The following KLF3 variants were observed in gnomAD, a reference collection of about 807,000 sequenced individuals.
KLF3 encodes the protein KLF transcription factor 3.
KLF3 carries 6 observed loss-of-function variants against 32.7 expected under a neutral mutation model. The observed-to-expected ratio is 0.18, with a 90% CI of 0.10 to 0.36. The LOEUF (loss-of-function observed/expected upper bound fraction) is 0.36. KLF3 is among the 10% of genes least tolerant of loss of function. The pLI is 1.00. For synonymous variants in KLF3, 145 were observed against 172.8 expected, an observed-to-expected ratio of 0.84 and a Z score of 1.26; for missense variants, 338 against 449.7, an observed-to-expected ratio of 0.75 and a Z score of 2.25.
intron 4 of KLF3, among the ~76,000 whole-genome samples, chr4:38,694,187 A>C (rs1049383885): frequency 6.6e-6 from 1 of 152,232 alleles, no homozygotes; most frequent in Non-Finnish European, 1.5e-5. Flanking sequence ...AGGGACTCCA[A>C]TTAAATGCCA....
chr4:38,699,209 AAC>A lies in KLF3; in HGVS notation c.*1948_*1949del, dbSNP rs1195819891. The A allele has an allele frequency of 1.3e-5, 2 of 152,334 alleles. No homozygotes were observed. Among genetic ancestry groups the A allele is most frequent in the East Asian group, 3.9e-4 (2 of 5,192 alleles). 9.4% of individuals were successfully genotyped at this position (152,334 alleles called of 1,614,324 possible). ...CTGCAAAACTTCTTTAGGATACTAA[AAC>A]ATCCTAATTGGGCTGTTTTTTTGTT... On this transcript the variant is annotated 3_prime_UTR_variant, in exon 6 of 6. Coordinates refer to ENST00000261438, the MANE Select transcript of KLF3 (RefSeq NM_016531.6).
At chr4:38,672,977 G>C (rs1722242491) in intron 1 of KLF3, among the ~76,000 whole-genome samples, 1 of 152,184 alleles carries the variant, frequency 6.6e-6, no homozygotes, top group Admixed American at 6.5e-5. Context: ...CTTAGAGGCA[G>C]GAACAAGGAG....
intron 1 of KLF3, among the ~76,000 whole-genome samples, chr4:38,679,739 C>T (rs1722459820): frequency 6.6e-6 from 1 of 152,160 alleles, no homozygotes; most frequent in South Asian, 2.1e-4. Flanking sequence ...GTAAAAGAAA[C>T]ATTTTCACAT....
chr4:38,665,525 G>C (rs1283875234), intron 1 of KLF3, among the ~76,000 whole-genome samples: 1 of 152,174 alleles, frequency 6.6e-6, no homozygotes, highest in Non-Finnish European at 1.5e-5. Flanking sequence ...AATAAGTCAA[G>C]TTAAACGGAA....
intron 2 of KLF3, among the ~76,000 whole-genome samples, chr4:38,684,317 T>TA (rs1310190993): frequency 2.0e-5 from 3 of 152,146 alleles, no homozygotes; most frequent in Non-Finnish European, 4.4e-5. Context: ...TTATCAGTAA[T>TA]AAAAACCTGC....
At chr4:38,678,863 A>G (rs1722432911) in intron 1 of KLF3, among the ~76,000 whole-genome samples, 1 of 152,190 alleles carries the variant, frequency 6.6e-6, no homozygotes, top group South Asian at 2.1e-4. Flanking sequence ...ACCTCTAACC[A>G]AAGCACTGAG....
In KLF3 at chr4:38,689,021, T is replaced by C. The variant is rs771094199; in HGVS notation, c.494T>C (p.Leu165Pro). Residue 165 changes from leucine (L) to proline (P), a missense_variant, in exon 3 of 6, where the codon CTC becomes CCC. Coordinates refer to ENST00000261438, the MANE Select transcript of KLF3 (RefSeq NM_016531.6). ...TACACAAGTCACCTCCAGCAGCCTCTCATGGTCTCCTTATCGGAGGAGATG... is the reference window on the plus strand; with the variant it reads ...TACACAAGTCACCTCCAGCAGCCTCCCATGGTCTCCTTATCGGAGGAGATG... ...FMYTSHLQQP[L>P]MVSLSEEMEN... 6.0e-5 allele frequency: 97 copies of C among 1,614,080 alleles called. No individual in the cohort carries two copies. Among genetic ancestry groups the C allele is most frequent in the Non-Finnish European group, 8.0e-5 (94 of 1,180,048 alleles).
chr4:38,668,849 T>C (rs986606973), intron 1 of KLF3, among the ~76,000 whole-genome samples: 1 of 152,150 alleles, frequency 6.6e-6, no homozygotes, highest in Non-Finnish European at 1.5e-5. Context: ...CAGAAAAAAA[T>C]TCTGCAAGCT....
chr4:38,670,420 A>G (rs892001013), intron 1 of KLF3, among the ~76,000 whole-genome samples: 2 of 152,234 alleles, frequency 1.3e-5, no homozygotes, highest in East Asian at 1.9e-4. Flanking sequence ...AAGAGATCAA[A>G]TGAGTATTGA....
chr4:38,667,155 C>T (rs1346185395), intron 1 of KLF3, among the ~76,000 whole-genome samples: 1 of 152,200 alleles, frequency 6.6e-6, no homozygotes, highest in African/African-American at 2.4e-5. Flanking sequence ...ACCTCCACCC[C>T]CCTGTTGTTG....
intron 1 of KLF3, among the ~76,000 whole-genome samples, chr4:38,677,092 C>G: frequency 6.6e-6 from 1 of 151,652 alleles, no homozygotes; most frequent in Non-Finnish European, 1.5e-5. Flanking sequence ...TCCCGAATAG[C>G]TGGGATTGCA....
chr4:38,700,910 C>T lies in KLF3; in HGVS notation c.*3647C>T, dbSNP rs1270101384. 2 of 152,056 alleles carry T rather than the reference C, an allele frequency of 1.3e-5. No homozygotes were observed. Among genetic ancestry groups the T allele is most frequent in the African/African-American group, 4.8e-5 (2 of 41,394 alleles). 9.4% of individuals were successfully genotyped at this position (152,056 alleles called of 1,614,324 possible). A position where few individuals can be genotyped will look rare whatever the true frequency, so the allele number is the denominator to read the frequency against. On this transcript the variant is annotated 3_prime_UTR_variant, in exon 6 of 6. Coordinates refer to ENST00000261438, the MANE Select transcript of KLF3 (RefSeq NM_016531.6). ...CCTTCTCTGTTTCTACTCTGTAGTC[C>T]AATGGGAATTCAGTAATGACATTTT...
In KLF3 at chr4:38,688,925, G is replaced by A. The variant is rs35098477; in HGVS notation, c.398G>A (p.Arg133Gln). ...CCAGTGATGGCAGCTGCCCTCTCGC[G>A]GCATGGAATACGGAGCCCGGGGATC... is the stretch of plus-strand genomic sequence containing the variant. ...MPPVMAAALS[R>Q]HGIRSPGILP... Residue 133 changes from arginine (R) to glutamine (Q), a missense_variant, in exon 3 of 6, where the codon CGG (arginine) becomes CAG (glutamine). Arg to Gln is a conservative substitution (Grantham distance 43). Around this residue, in one of 2 missense-constraint regions of KLF3, gnomAD observed 272 missense variants for 313.4 expected, o/e 0.87. Coordinates refer to ENST00000261438, the MANE Select transcript of KLF3 (RefSeq NM_016531.6). This position sits in a 1 kb window ranked among gnomAD's most constrained non-coding sequence, Gnocchi z 4.9. 7.1e-5 allele frequency: 115 copies of A among 1,614,112 alleles called. No homozygotes were observed. The highest frequency in any genetic ancestry group is 1.9e-4 in the African/African-American group (14 of 74,946).
In KLF3 at chr4:38,694,785, T is replaced by C. The variant is rs367783706; in HGVS notation, c.735T>C (p.Pro245=). The change falls in exon 5 of 6, where the codon CCT becomes CCC. Residue 245 remains proline, a synonymous_variant. Coordinates refer to ENST00000261438, the MANE Select transcript of KLF3 (RefSeq NM_016531.6). ...PSVIVQPGKR[P]LPVESPDTQR... ...TCATCGTGCAGCCTGGGAAGAGACC[T>C]TTACCTGTGGAATCCCCGGATACTC... 1.9e-6 allele frequency: 3 copies of C among 1,602,730 alleles called. No individual in the cohort carries two copies. Among genetic ancestry groups the C allele is most frequent in the Non-Finnish European group, 2.6e-6 (3 of 1,176,374 alleles).
At chr4:38,669,909 A>AAAAAAAAG (rs1722149052) in intron 1 of KLF3, among the ~76,000 whole-genome samples, 1 of 143,150 alleles carries the variant, frequency 7.0e-6, no homozygotes, top group Non-Finnish European at 1.5e-5. Context: ...AAAAAAAAAA[A>AAAAAAAAG]AAAAAAAAAA....
chr4:38,686,633 A>G (rs374080325), intron 2 of KLF3, among the ~76,000 whole-genome samples: 6 of 152,182 alleles, frequency 3.9e-5, no homozygotes, highest in African/African-American at 1.4e-4. Flanking sequence ...GGATGTGCAC[A>G]GTAAAGTTTG....
intron 4 of KLF3, chr4:38,690,134 T>C: frequency 2.4e-6 from 1 of 416,316 alleles, no homozygotes; most frequent in Admixed American, 4.1e-5. Context: ...ATTTTGCACC[T>C]TACCACATGA....
chr4:38,680,897 C>G, intron 2 of KLF3: 1 of 389,894 alleles, frequency 2.6e-6, no homozygotes, highest in East Asian at 4.9e-5. Flanking sequence ...CTAAAAATAC[C>G]AAATTAGCCG....
rs1203735975 is a variant in KLF3 at position 38,697,404 on chromosome 4, A to G, written c.*141A>G. 5.3e-6 allele frequency: 4 copies of G among 749,244 alleles called. No homozygotes were observed. Among genetic ancestry groups the G allele is most frequent in the Non-Finnish European group, 8.4e-6 (4 of 475,892 alleles). The allele number at this position is 749,244 out of a possible 1,614,324, so 46.4% of individuals were successfully genotyped here. ...TGAATCTCTGAATTTATATCATCCA[A>G]AACTTCCATATGGTCAGTAGTAGAT... On this transcript the variant is annotated 3_prime_UTR_variant, in exon 6 of 6. Transcript: ENST00000261438.
Sources: allele counts gnomAD v4.1 joint callset (sites outside exome capture counted in the v4.1 genomes callset), GRCh38; gene constraint gnomAD v4.1.1; regional missense constraint gnomAD v4.1.1; non-coding constraint Gnocchi (gnomAD v3.1); transcripts MANE v1.5; gene names NCBI Gene and HGNC (gene_info 2026-07-23, HGNC 2026-07-21).